PLA2R1: variants seen among roughly 807,000 people sequenced by gnomAD.
PLA2R1 encodes phospholipase A2 receptor 1, also known as secretory phospholipase A2 receptor.
Under a neutral mutation model 195.9 loss-of-function variants are expected in PLA2R1, and 158 were observed. The ratio of observed to expected loss-of-function variants is 0.81; its 90% CI spans 0.71 to 0.92. The LOEUF is 0.92. Among genes scored for constraint, PLA2R1 ranks in the 40% least tolerant of loss-of-function variants. The pLI, the probability that PLA2R1 is intolerant of heterozygous loss-of-function variation, is 0.00. For missense variants in PLA2R1, 1,626 were observed against 1,764.6 expected, an observed-to-expected ratio of 0.92 and a Z score of 1.41; for synonymous variants, 586 against 598.2, an observed-to-expected ratio of 0.98 and a Z score of 0.30.
chr2:160,015,954 C>T (rs896443895), intron 9 of PLA2R1, among the ~76,000 whole-genome samples: 2 of 152,144 alleles, frequency 1.3e-5, no homozygotes, highest in Non-Finnish European at 2.9e-5. Context: ...TGTTTTATGA[C>T]ATCTCACTTG....
chr2:160,011,239 G>C (rs993719663), intron 10 of PLA2R1, among the ~76,000 whole-genome samples: 1 of 152,128 alleles, frequency 6.6e-6, no homozygotes. Context: ...ACAGATTTCT[G>C]CCTTAGCTTG....
rs992469667 is a variant in PLA2R1 at position 160,047,713 on chromosome 2, C to T, written c.110-2556G>A. ...AGTCTACACTGTAGGTTTTTTAATA[C>T]GAAAGAGAAAAATACATGGTGTTGA... is the stretch of plus-strand genomic sequence containing the variant. On this transcript the variant is annotated intron_variant, in intron 1 of 29. Coordinates refer to ENST00000283243, the MANE Select transcript of PLA2R1 (RefSeq NM_007366.5). Among the ~76,000 whole-genome samples, 14 of 152,194 alleles carry T rather than the reference C, an allele frequency of 9.2e-5. No individual in the cohort carries two copies. The South Asian group carries it at 1.2e-3, about 14-fold the overall frequency.
Position 159,947,504 on chromosome 2 carries a change from T to C in PLA2R1, c.3765A>G (p.Ile1255Met), listed in dbSNP as rs748495191. The C allele has an allele frequency of 5.6e-6, 9 of 1,613,246 alleles. No homozygotes were observed. The highest frequency in any genetic ancestry group is 5.9e-6 in the Non-Finnish European group (7 of 1,179,378). Residue 1255 changes from isoleucine to methionine, a missense_variant, in exon 26 of 30, where the codon ATA becomes ATG. Transcript: ENST00000283243. ...ELCSETSIPW[I>M]KFKSNCYSFS... The stretch of plus-strand genomic sequence containing the variant: ...AACTGTAGCAATTACTTTTAAATTT[T>C]ATCCAGGGAATAGATGTTTCTGAGC...
chr2:159,996,633 C>T (rs760160818), intron 11 of PLA2R1, among the ~76,000 whole-genome samples: 6 of 152,006 alleles, frequency 3.9e-5, no homozygotes, highest in Non-Finnish European at 8.8e-5. Flanking sequence ...AATATTGCTT[C>T]TTTTCTTTTA....
chr2:160,022,989 A>T, intron 6 of PLA2R1, 130 bp from the exon 7 acceptor site: 4 of 627,106 alleles, frequency 6.4e-6, no homozygotes. Flanking sequence ...AAAATGACAT[A>T]TATCATGGAA....
intron 1 of PLA2R1, among the ~76,000 whole-genome samples, chr2:160,055,001 A>C (rs1695444404): frequency 6.6e-6 from 1 of 152,206 alleles, no homozygotes. Context: ...GATATAAATA[A>C]GCAGATTGTT....
intron 6 of PLA2R1, 36 bp from the exon 7 acceptor site, chr2:160,022,895 C>A: frequency 7.0e-7 from 1 of 1,426,650 alleles, no homozygotes; most frequent in Non-Finnish European, 9.6e-7. Flanking sequence ...TCATTTTCCA[C>A]AATTATTTTA....
Position 159,946,854 on chromosome 2 carries a change from G to A in PLA2R1, c.3914C>T (p.Ala1305Val). The change falls in exon 27 of 30, where the codon GCT becomes GTT. Residue 1305 changes from alanine to valine, a missense_variant. Physicochemically the swap from Ala to Val is moderately conservative, Grantham distance 64. Transcript: ENST00000283243. ...ENAFLLEELF[A>V]FGSSVQMVWL... ...AACCATCTGGACAGAAGAACCAAAAGCAAACAGCTCTTCTAGGAGAAATGC... is the reference window on the plus strand; with the variant it reads ...AACCATCTGGACAGAAGAACCAAAAACAAACAGCTCTTCTAGGAGAAATGC... The A allele has an allele frequency of 6.2e-7, 1 of 1,611,592 alleles. No individual in the cohort carries two copies. Among genetic ancestry groups the A allele is most frequent in the Non-Finnish European group, 8.5e-7 (1 of 1,179,064 alleles).
chr2:160,052,577 G>A (rs545493622), intron 1 of PLA2R1, among the ~76,000 whole-genome samples: 1 of 152,254 alleles, frequency 6.6e-6, no homozygotes, highest in South Asian at 2.1e-4. Context: ...ATTCACAACA[G>A]CTCTGTGATT....
chr2:159,992,676 T>C (rs1279580122), intron 11 of PLA2R1, among the ~76,000 whole-genome samples: 3 of 151,694 alleles, frequency 2.0e-5, no homozygotes, highest in African/African-American at 7.3e-5. Flanking sequence ...TTGAAGTTCA[T>C]ATGGAACCAA....
At chr2:160,052,406 C>G (rs937725181) in intron 1 of PLA2R1, among the ~76,000 whole-genome samples, 1 of 152,238 alleles carries the variant, frequency 6.6e-6, no homozygotes, top group African/African-American at 2.4e-5. Flanking sequence ...CAGAAAATCT[C>G]TCTTCCGTGA....
chr2:160,054,011 G>C (rs1024973536), intron 1 of PLA2R1, among the ~76,000 whole-genome samples: 6 of 152,224 alleles, frequency 3.9e-5, no homozygotes, highest in Non-Finnish European at 8.8e-5. Flanking sequence ...AGCTCTCCTT[G>C]TTTGCATTTG....
chr2:160,006,540 T>A (rs562813874), intron 10 of PLA2R1, among the ~76,000 whole-genome samples: 25 of 152,294 alleles, frequency 1.6e-4, no homozygotes, highest in African/African-American at 5.8e-4. Flanking sequence ...TATGAATGCA[T>A]CAAAAGCAGA....
At chr2:160,024,843 G>A (rs921163379) in intron 6 of PLA2R1, among the ~76,000 whole-genome samples, 1 of 152,164 alleles carries the variant, frequency 6.6e-6, no homozygotes, top group African/African-American at 2.4e-5. Flanking sequence ...CCCAGGGAGA[G>A]GAGTCATCAT....
intron 1 of PLA2R1, among the ~76,000 whole-genome samples, chr2:160,051,601 G>A (rs1695216390): frequency 6.6e-6 from 1 of 152,182 alleles, no homozygotes; most frequent in Non-Finnish European, 1.5e-5. Flanking sequence ...TCCATCTAGT[G>A]AACAATGGAT....
At chr2:160,024,837 G>A (rs1403241873) in intron 6 of PLA2R1, among the ~76,000 whole-genome samples, 1 of 152,208 alleles carries the variant, frequency 6.6e-6, no homozygotes, top group African/African-American at 2.4e-5. Flanking sequence ...CACCTTCCCA[G>A]GGAGAGGAGT....
rs796517854 is a variant in PLA2R1 at position 160,051,573 on chromosome 2, G to C, written c.110-6416C>G. Among the ~76,000 whole-genome samples, 3 of 152,282 alleles carry C rather than the reference G, an allele frequency of 2.0e-5. No homozygotes were observed. The South Asian group carries it at 6.2e-4, about 32-fold the overall frequency. The stretch of plus-strand genomic sequence containing the variant: ...TGACCTTTTCCAGCTTCACAAATTT[G>C]GGTTTGTCTTTATCTGTTCCATCTA... On this transcript the variant is annotated intron_variant, in intron 1 of 29. Coordinates refer to ENST00000283243, the MANE Select transcript of PLA2R1 (RefSeq NM_007366.5).
At chr2:159,999,178 C>G (rs1691428041) in intron 11 of PLA2R1, among the ~76,000 whole-genome samples, 4 of 152,054 alleles carry the variant, frequency 2.6e-5, no homozygotes, top group Admixed American at 2.6e-4. Context: ...TCTTGGACTT[C>G]CCAGCCTCTA....
At chr2:159,987,820 T>C (rs1238370366) in intron 11 of PLA2R1, among the ~76,000 whole-genome samples, 1 of 152,074 alleles carries the variant, frequency 6.6e-6, no homozygotes, top group Non-Finnish European at 1.5e-5. Flanking sequence ...AAAACCAAAC[T>C]GTAAACCTTG....
Sources: allele counts gnomAD v4.1 joint callset (sites outside exome capture counted in the v4.1 genomes callset), GRCh38; gene constraint gnomAD v4.1.1; transcripts MANE v1.5; gene names NCBI Gene and HGNC (gene_info 2026-07-23, HGNC 2026-07-21).